Variants in ASH1L observed in about 807,000 individuals in gnomAD.
ASH1L encodes histone-lysine N-methyltransferase ASH1L.
A neutral mutation model predicts 269.0 loss-of-function variants in ASH1L; 23 were observed. The observed-to-expected ratio is 0.09, with a 90% CI of 0.06 to 0.12. The LOEUF (loss-of-function observed/expected upper bound fraction) is 0.12. Ranked by LOEUF, ASH1L falls within the 10% of genes least tolerant of loss-of-function variation. The pLI, the probability that ASH1L is intolerant of heterozygous loss-of-function variation, is 1.00. For synonymous variants in ASH1L, 1,187 were observed against 1,253.5 expected (o/e 0.95, Z 1.12); for missense variants, 2,912 against 3,567.8 (o/e 0.82, Z 4.68).
chr1:155,351,615 C>A (rs1653937271), intron 17 of ASH1L, among the ~76,000 whole-genome samples: 1 of 152,114 alleles, frequency 6.6e-6, no homozygotes, highest in African/African-American at 2.4e-5. Flanking sequence ...CTTTGGGAGG[C>A]CGAGGCAGGT....
intron 10 of ASH1L, among the ~76,000 whole-genome samples, chr1:155,377,086 T>G (rs1318534810): frequency 6.6e-6 from 1 of 151,734 alleles, no homozygotes; most frequent in African/African-American, 2.4e-5. Flanking sequence ...TCTGTATTTT[T>G]AGTAGAGATG....
chr1:155,406,203 C>CAAAAAAAAAAAAA (rs964056210), intron 6 of ASH1L, among the ~76,000 whole-genome samples: 1 of 52,104 alleles, frequency 1.9e-5, no homozygotes, highest in African/African-American at 6.7e-5. Flanking sequence ...GACTCTGTCT[C>CAAAAAAAAAAAAA]AAAAAAAAAA....
At chr1:155,449,522 GTTTT>G (rs931941166) in intron 4 of ASH1L, among the ~76,000 whole-genome samples, 1 of 134,874 alleles carries the variant, frequency 7.4e-6, no homozygotes, top group African/African-American at 2.7e-5. Context: ...AAATGTGGTT[GTTTT>G]TTTTTTTTTT....
intron 1 of ASH1L, among the ~76,000 whole-genome samples, chr1:155,522,291 T>C (rs1256767468): frequency 6.6e-6 from 1 of 152,178 alleles, no homozygotes; most frequent in Non-Finnish European, 1.5e-5. Context: ...CATTCACTTG[T>C]CCATTCAAAA....
At position 155,383,030 on chromosome 1, in the gene ASH1L, C is replaced by T. The variant is rs576998523; in HGVS notation, c.6104-2914G>A. Among the ~76,000 whole-genome samples the T allele has an allele frequency of 3.3e-3, 504 of 152,084 alleles. 3 individuals carry two copies. Among genetic ancestry groups the T allele is most frequent in the African/African-American group, 0.012 (483 of 41,500 alleles). On this transcript the variant is annotated intron_variant, in intron 7 of 27. Transcript: ENST00000392403. ...AAGCCGCCATGCCTGGCCCTCTTTT[C>T]GCTTTTAACTAAAAAAGTTTAAAAA...
intron 1 of ASH1L, among the ~76,000 whole-genome samples, chr1:155,537,590 T>C (rs1670142613): frequency 6.6e-6 from 1 of 152,164 alleles, no homozygotes; most frequent in Non-Finnish European, 1.5e-5. Flanking sequence ...AGAAAAGAAC[T>C]CAGACCCTTA....
intron 2 of ASH1L, among the ~76,000 whole-genome samples, chr1:155,512,344 G>A (rs914432663): frequency 3.3e-5 from 5 of 151,470 alleles, no homozygotes; most frequent in African/African-American, 1.2e-4. Context: ...TTGAACCTGG[G>A]CAGCAGAGGT....
At chr1:155,401,863 T>C (rs1571112150) in intron 6 of ASH1L, among the ~76,000 whole-genome samples, 1 of 151,280 alleles carries the variant, frequency 6.6e-6, no homozygotes, top group Admixed American at 6.6e-5. Context: ...CCAAGGCAGG[T>C]GGATCACCTG....
chr1:155,478,100 T>A lies in ASH1L; in HGVS notation c.4770A>T (p.Gly1590=), dbSNP rs749272686. ...TGGCTGGCTCAGAGTTGGGAGTGAATCCTCCAAGGGATAAGCTTGGAGAAC... is the reference window on the plus strand; with the variant it reads ...TGGCTGGCTCAGAGTTGGGAGTGAAACCTCCAAGGGATAAGCTTGGAGAAC... ...SESSPSLSLG[G]FTPNSEPASS... Residue 1590 remains glycine, a synonymous_variant, in exon 3 of 28, where the codon GGA becomes GGT. Transcript: ENST00000392403. The surrounding 1 kb of genome is among the most constrained non-coding windows in gnomAD (Gnocchi z 4.6). 4 of 1,613,942 alleles carry A rather than the reference T, an allele frequency of 2.5e-6. No individual in the cohort carries two copies. In the South Asian group the frequency reaches 3.3e-5, roughly 13 times the overall value.
chr1:155,536,981 C>T (rs546839209), intron 1 of ASH1L, among the ~76,000 whole-genome samples: 2 of 150,164 alleles, frequency 1.3e-5, no homozygotes, highest in East Asian at 3.9e-4. Context: ...GGAGGCGAGG[C>T]TTGCAGAGAG....
At chr1:155,372,343 C>T (rs1656034940) in intron 10 of ASH1L, among the ~76,000 whole-genome samples, 1 of 150,836 alleles carries the variant, frequency 6.6e-6, no homozygotes, top group African/African-American at 2.4e-5. Flanking sequence ...AAGTCTCGCT[C>T]TGTCACCCAG....
At chr1:155,407,472 T>C (rs182087376) in intron 6 of ASH1L, among the ~76,000 whole-genome samples, 45 of 152,290 alleles carry the variant, frequency 3.0e-4, no homozygotes, top group Admixed American at 5.9e-4. Context: ...AAACAATGTG[T>C]GGATAAATTT....
intron 7 of ASH1L, among the ~76,000 whole-genome samples, chr1:155,384,678 C>T (rs1657271457): frequency 6.6e-6 from 1 of 151,932 alleles, no homozygotes; most frequent in South Asian, 2.1e-4. Flanking sequence ...ACAGGAGCAA[C>T]CTATCTCGCC....
At chr1:155,365,779 C>T (rs1655366054) in intron 12 of ASH1L, among the ~76,000 whole-genome samples, 1 of 152,140 alleles carries the variant, frequency 6.6e-6, no homozygotes, top group East Asian at 1.9e-4. Context: ...GTTCCTGACC[C>T]GTGATATCAC....
chr1:155,341,655 A>G (rs1211931663), intron 25 of ASH1L, among the ~76,000 whole-genome samples: 1 of 152,190 alleles, frequency 6.6e-6, no homozygotes, highest in Non-Finnish European at 1.5e-5. Flanking sequence ...AGACAAAACA[A>G]AACAAAAATC....
In ASH1L at chr1:155,562,481, T is replaced by C. The variant is rs1672082894; in HGVS notation, c.-428A>G. 6.8e-7 allele frequency: 1 copy of C among 1,472,096 alleles called. No homozygotes were observed. The highest frequency in any genetic ancestry group is 9.2e-7 in the Non-Finnish European group (1 of 1,087,842). 91.2% of individuals were successfully genotyped at this position (1,472,096 alleles called of 1,614,324 possible). On this transcript the variant is annotated 5_prime_UTR_variant, in exon 1 of 28. Coordinates refer to ENST00000392403, the MANE Select transcript of ASH1L (RefSeq NM_018489.3). ...TGGCGGCGGTGGCGGCGGCAGCTCCTCCAGAGGGAGGGAGCGAAGGGCGCC... is the reference window on the plus strand; with the variant it reads ...TGGCGGCGGTGGCGGCGGCAGCTCCCCCAGAGGGAGGGAGCGAAGGGCGCC...
intron 5 of ASH1L, among the ~76,000 whole-genome samples, chr1:155,428,594 C>G (rs1250639142): frequency 6.6e-6 from 1 of 152,106 alleles, no homozygotes; most frequent in Non-Finnish European, 1.5e-5. Flanking sequence ...GTGGGTTTAC[C>G]AGAATAAGGG....
chr1:155,558,427 C>T (rs1055472172), intron 1 of ASH1L, among the ~76,000 whole-genome samples: 1 of 151,914 alleles, frequency 6.6e-6, no homozygotes, highest in Non-Finnish European at 1.5e-5. Flanking sequence ...GCTGAGATCG[C>T]GCTGTTGCAC....
At chr1:155,534,031 C>T (rs1429876074) in intron 1 of ASH1L, among the ~76,000 whole-genome samples, 1 of 151,318 alleles carries the variant, frequency 6.6e-6, no homozygotes, top group African/African-American at 2.4e-5. Context: ...GCTTTCTTTC[C>T]TTTAAATTTT....
Sources: allele counts gnomAD v4.1 joint callset (sites outside exome capture counted in the v4.1 genomes callset), GRCh38; gene constraint gnomAD v4.1.1; non-coding constraint Gnocchi (gnomAD v3.1); transcripts MANE v1.5; gene names NCBI Gene and HGNC (gene_info 2026-07-23, HGNC 2026-07-21).